The following DCDC1 variants were observed in gnomAD, a reference collection of about 807,000 sequenced individuals.
DCDC1 encodes the protein doublecortin domain-containing protein 1.
Under a neutral mutation model 178.3 loss-of-function variants are expected in DCDC1, and 200 were observed. The ratio of observed to expected loss-of-function variants is 1.12; its 90% CI spans 1.00 to 1.26. DCDC1 has a LOEUF of 1.26. Ranked by LOEUF, DCDC1 falls within the 50% of genes most tolerant of loss-of-function variation. The probability of loss-of-function intolerance (pLI) is 0.00; values close to 1 mark genes in which losing one functional copy is unlikely to be tolerated. For missense variants in DCDC1, 1,983 were observed against 1,749.2 expected, an observed-to-expected ratio of 1.13 and a Z score of -2.38; for synonymous variants, 690 against 604.8, an observed-to-expected ratio of 1.14 and a Z score of -2.07.
intron 10 of DCDC1, among the ~76,000 whole-genome samples, chr11:31,131,943 A>G (rs1962497849): frequency 6.6e-6 from 1 of 152,208 alleles, no homozygotes; most frequent in South Asian, 2.1e-4. Context: ...AGGGGATTTC[A>G]TGTGACATCA....
At chr11:30,921,077 A>G in intron 24 of DCDC1, 142 bp from the exon 25 acceptor site, 2 of 803,626 alleles carry the variant, frequency 2.5e-6, no homozygotes, top group Non-Finnish European at 3.6e-6. Context: ...AACTCAGTTG[A>G]ATTTAATTTT....
At position 30,878,516 on chromosome 11, in the gene DCDC1, A is replaced by G. The variant is rs893765737; in HGVS notation, c.*40+28T>C. The G allele has an allele frequency of 6.9e-6, 10 of 1,459,140 alleles. No individual in the cohort carries two copies. In the African/African-American group the frequency reaches 1.3e-4, roughly 19 times the overall value. The allele number at this position is 1,459,140 out of a possible 1,614,324, so 90.4% of individuals were successfully genotyped here. ...AGATAAATAATCATAATGTCATAACAAACATGAGTATGTGCACATAGCTAT... is the reference window on the plus strand; with the variant it reads ...AGATAAATAATCATAATGTCATAACGAACATGAGTATGTGCACATAGCTAT... On this transcript the variant is annotated intron_variant, in intron 38 of 38. Transcript: ENST00000684477.
intron 11 of DCDC1, among the ~76,000 whole-genome samples, chr11:31,121,058 A>G (rs1960723291): frequency 6.6e-6 from 1 of 152,138 alleles, no homozygotes; most frequent in African/African-American, 2.4e-5. Context: ...AGTTTAGAAT[A>G]GTAAGAAATT....
chr11:31,182,779 T>C (rs940848052), intron 9 of DCDC1, among the ~76,000 whole-genome samples: 6 of 152,222 alleles, frequency 3.9e-5, no homozygotes, highest in Admixed American at 3.9e-4. Context: ...ACGGGCTAAA[T>C]GCCACAAATA....
intron 6 of DCDC1, among the ~76,000 whole-genome samples, chr11:31,300,126 G>A (rs1393222456): frequency 6.6e-6 from 1 of 152,182 alleles, no homozygotes. Flanking sequence ...AAAGTGCTGG[G>A]ATTACAGGCG....
intron 1 of DCDC1, among the ~76,000 whole-genome samples, chr11:31,363,858 T>G (rs562727161): frequency 6.6e-6 from 1 of 152,328 alleles, no homozygotes; most frequent in East Asian, 1.9e-4. Context: ...GTACAGCCAG[T>G]ACCTGACTTA....
intron 20 of DCDC1, among the ~76,000 whole-genome samples, chr11:31,041,696 C>A (rs1380279239): frequency 6.6e-6 from 1 of 152,036 alleles, no homozygotes; most frequent in African/African-American, 2.4e-5. Context: ...AGGAATTATA[C>A]CTCATATGGC....
chr11:30,926,231 T>G (rs1006991007), intron 22 of DCDC1, among the ~76,000 whole-genome samples: 6 of 152,080 alleles, frequency 3.9e-5, no homozygotes, highest in African/African-American at 1.2e-4. Context: ...ATAAACAGGA[T>G]TTCATCAAAA....
chr11:30,944,572 G>T (rs1590469345), intron 21 of DCDC1, among the ~76,000 whole-genome samples: 1 of 152,232 alleles, frequency 6.6e-6, no homozygotes, highest in East Asian at 1.9e-4. Flanking sequence ...TCAGTTGCTT[G>T]AAAATAGGAC....
intron 20 of DCDC1, among the ~76,000 whole-genome samples, chr11:30,989,343 ACCATGTT>A (rs1218421199): frequency 6.6e-6 from 1 of 152,188 alleles, no homozygotes; most frequent in Non-Finnish European, 1.5e-5. Flanking sequence ...TGTGAGTGAA[ACCATGTT>A]CCAAAATCAA....
intron 11 of DCDC1, among the ~76,000 whole-genome samples, chr11:31,115,376 A>G (rs1014308823): frequency 3.9e-5 from 6 of 152,140 alleles, no homozygotes; most frequent in African/African-American, 1.4e-4. Context: ...CAAACTCTCC[A>G]TAACCACTGG....
intron 10 of DCDC1, among the ~76,000 whole-genome samples, chr11:31,131,354 GT>G (rs1279427740): frequency 6.6e-6 from 1 of 152,028 alleles, no homozygotes; most frequent in African/African-American, 2.4e-5. Context: ...CCAGTGACAA[GT>G]TTCTCTCGTT....
At chr11:31,345,717 T>C (rs1410945004) in intron 1 of DCDC1, among the ~76,000 whole-genome samples, 1 of 152,216 alleles carries the variant, frequency 6.6e-6, no homozygotes, top group Non-Finnish European at 1.5e-5. Flanking sequence ...CAATTTAGTA[T>C]ACTGGAAGAG....
At chr11:31,119,013 C>A (rs1960394009) in intron 11 of DCDC1, among the ~76,000 whole-genome samples, 1 of 152,068 alleles carries the variant, frequency 6.6e-6, no homozygotes, top group Non-Finnish European at 1.5e-5. Context: ...CATTTTCCCC[C>A]CAAAATCCAC....
intron 12 of DCDC1, among the ~76,000 whole-genome samples, chr11:31,109,741 A>C (rs1337314900): frequency 6.6e-6 from 1 of 152,186 alleles, no homozygotes; most frequent in Non-Finnish European, 1.5e-5. Context: ...TATGCAAGAC[A>C]AAGACCCAAA....
intron 2 of DCDC1, among the ~76,000 whole-genome samples, chr11:31,333,925 A>G (rs958423757): frequency 2.0e-5 from 3 of 152,082 alleles, no homozygotes; most frequent in Admixed American, 6.6e-5. Flanking sequence ...ATGTTGGCCT[A>G]CTTTGCTAGG....
chr11:31,083,839 T>A (rs1203033122), intron 17 of DCDC1, among the ~76,000 whole-genome samples: 2 of 152,234 alleles, frequency 1.3e-5, no homozygotes, highest in Non-Finnish European at 2.9e-5. Context: ...TGTTAGTTTT[T>A]TAGTTGAACA....
chr11:31,202,304 TGTA>T (rs1451724490), intron 9 of DCDC1, among the ~76,000 whole-genome samples: 1 of 152,058 alleles, frequency 6.6e-6, no homozygotes, highest in African/African-American at 2.4e-5. Flanking sequence ...GGCTCACGCC[TGTA>T]ATCCCAACAC....
chr11:31,004,673 C>A (rs1010180856), intron 20 of DCDC1, among the ~76,000 whole-genome samples: 1 of 130,994 alleles, frequency 7.6e-6, no homozygotes, highest in Non-Finnish European at 1.6e-5. Flanking sequence ...CAGAGTGACA[C>A]TCTGTCTCAA....
Sources: gnomAD v4.1 joint callset for allele counts (sites outside exome capture counted in the v4.1 genomes callset) on GRCh38, gnomAD v4.1.1 for gene constraint, MANE v1.5 for transcripts, NCBI Gene and HGNC (gene_info 2026-07-23, HGNC 2026-07-21) for gene names.